CLIC5: variants seen among roughly 807,000 people sequenced by gnomAD.
CLIC5 encodes chloride intracellular channel protein 5.
A neutral mutation model predicts 24.7 loss-of-function variants in CLIC5; 20 were observed. The ratio of observed to expected loss-of-function variants is 0.81; its 90% CI spans 0.57 to 1.18. The LOEUF (loss-of-function observed/expected upper bound fraction) is 1.18, where lower values mean the gene tolerates loss of function less well. Ranked by LOEUF, CLIC5 falls within the 50% of genes most tolerant of loss-of-function variation. The pLI is 0.00. For missense variants in CLIC5, 341 were observed against 326.1 expected, an observed-to-expected ratio of 1.05 and a Z score of -0.35; for synonymous variants, 159 against 135.6, an observed-to-expected ratio of 1.17 and a Z score of -1.20.
chr6:45,980,303 G>A, intron 1 of CLIC5, among the ~76,000 whole-genome samples: 2 of 152,142 alleles, frequency 1.3e-5, no homozygotes, highest in Middle Eastern at 6.8e-3. Context: ...AGCAAATAAA[G>A]GCAGGAACAT....
At chr6:46,092,847 C>G in the CLIC5 span, among the ~76,000 whole-genome samples, 1 of 152,098 alleles carries the variant, frequency 6.6e-6, no homozygotes, top group Non-Finnish European at 1.5e-5. Context: ...CCTGAAGTCC[C>G]AACCAAATAC....
At chr6:45,951,633 C>G (rs933748829) in intron 2 of CLIC5, among the ~76,000 whole-genome samples, 2 of 152,206 alleles carry the variant, frequency 1.3e-5, no homozygotes, top group Admixed American at 6.5e-5. Flanking sequence ...GAGGGTTACA[C>G]TAAAAATGTT....
intron 1 of CLIC5, among the ~76,000 whole-genome samples, chr6:46,047,454 T>A (rs532511914): frequency 6.6e-6 from 1 of 152,046 alleles, no homozygotes; most frequent in Admixed American, 6.5e-5. Context: ...TTGAAAGATA[T>A]AGAGCTAGAA....
the CLIC5 span, among the ~76,000 whole-genome samples, chr6:46,122,677 C>T: frequency 3.3e-5 from 5 of 151,956 alleles, no homozygotes; most frequent in Non-Finnish European, 7.4e-5. Context: ...AATTGATAGA[C>T]CACTAGCAAG....
intron 1 of CLIC5, among the ~76,000 whole-genome samples, chr6:46,071,872 G>A (rs980325443): frequency 3.3e-5 from 5 of 152,144 alleles, no homozygotes; most frequent in African/African-American, 1.2e-4. Context: ...TAAAGAAAAT[G>A]TGGTACATAT....
intron 1 of CLIC5, among the ~76,000 whole-genome samples, chr6:46,015,185 G>C (rs1766953979): frequency 6.6e-6 from 1 of 152,206 alleles, no homozygotes; most frequent in Non-Finnish European, 1.5e-5. Context: ...AGCCTGAATC[G>C]CGTCCGGGCT....
chr6:45,966,970 G>T (rs1765035637), intron 1 of CLIC5, among the ~76,000 whole-genome samples: 1 of 152,208 alleles, frequency 6.6e-6, no homozygotes, highest in African/African-American at 2.4e-5. Flanking sequence ...AGTGTGCTGT[G>T]ACCGGGTACA....
chr6:45,932,977 G>T (rs1470563269), intron 4 of CLIC5, among the ~76,000 whole-genome samples: 1 of 152,196 alleles, frequency 6.6e-6, no homozygotes, highest in Admixed American at 6.5e-5. Flanking sequence ...TTCCCATTCA[G>T]TGGGAATGAT....
At chr6:46,016,421 C>G (rs1193421452), upstream of CLIC5, among the ~76,000 whole-genome samples, 3 of 152,086 alleles carry the variant, frequency 2.0e-5, no homozygotes, top group Non-Finnish European at 2.9e-5. Flanking sequence ...TGGGGACGGG[C>G]AGGGCAGGGC....
intron 1 of CLIC5, among the ~76,000 whole-genome samples, chr6:46,026,132 A>G (rs1441718388): frequency 2.0e-5 from 3 of 152,192 alleles, no homozygotes; most frequent in Non-Finnish European, 4.4e-5. Flanking sequence ...TTATTTCCTG[A>G]AAGACATAAA....
intron 1 of CLIC5, among the ~76,000 whole-genome samples, chr6:46,058,509 C>G (rs1768323098): frequency 6.6e-6 from 1 of 152,216 alleles, no homozygotes; most frequent in Non-Finnish European, 1.5e-5. Context: ...CTCCATGATT[C>G]ATTTTAACAA....
rs1374741368 is a variant in CLIC5 at position 45,902,856 on chromosome 6, G to A, written c.*232C>T. On this transcript the variant is annotated 3_prime_UTR_variant, in exon 6 of 6. Transcript: ENST00000339561. ...TGCTGAGCCCAGATCAGGCTGGCCG[G>A]CCGAAAGGTGGACTGTGTCTATCAT... The A allele has an allele frequency of 9.3e-6, 5 of 535,246 alleles. No homozygotes were observed. Among genetic ancestry groups the A allele is most frequent in the South Asian group, 9.0e-5 (4 of 44,216 alleles). The allele number at this position is 535,246 out of a possible 1,614,324, so 33.2% of individuals were successfully genotyped here.
At chr6:45,914,179 C>T in intron 5 of CLIC5, 49 bp downstream of exon 5, 1 of 1,439,900 alleles carries the variant, frequency 6.9e-7, no homozygotes, top group African/African-American at 1.4e-5. Flanking sequence ...TGACCTGGGC[C>T]TAAGATGGAG....
At chr6:46,067,419 G>T (rs2127473029) in intron 1 of CLIC5, among the ~76,000 whole-genome samples, 1 of 152,262 alleles carries the variant, frequency 6.6e-6, no homozygotes, top group South Asian at 2.1e-4. Context: ...CTCTCCCGCA[G>T]GGTTGACACT....
At chr6:46,125,866 G>A in the CLIC5 span, among the ~76,000 whole-genome samples, 4 of 152,210 alleles carry the variant, frequency 2.6e-5, 1 homozygote, top group East Asian at 3.9e-4. Flanking sequence ...TTTAGCAATT[G>A]TTGCTGAAAC....
chr6:45,881,763 C>G lies in CLIC5; in HGVS notation c.624-575G>C, dbSNP rs1025258672. Among the ~76,000 whole-genome samples, 8 of 152,200 alleles carry G rather than the reference C, an allele frequency of 5.3e-5. 1 individual carries two copies. The South Asian group carries it at 1.7e-3, about 32-fold the overall frequency. ...TTTTCTCTCCCAGAAGACTTTGGTG[C>G]CCTTTTAAATAAGCCCTGTAAGTGT... On this transcript the variant is annotated intron_variant, in intron 6 of 6. Coordinates refer to the CLIC5 transcript ENST00000644324.
At chr6:45,963,378 G>A (rs1764914925) in intron 1 of CLIC5, among the ~76,000 whole-genome samples, 2 of 152,146 alleles carry the variant, frequency 1.3e-5, no homozygotes, top group Admixed American at 1.3e-4. Context: ...ATGCTCTGCT[G>A]TTGCTATCCT....
intron 1 of CLIC5, among the ~76,000 whole-genome samples, chr6:45,970,907 G>A (rs1353952641): frequency 6.6e-6 from 1 of 152,134 alleles, no homozygotes; most frequent in Non-Finnish European, 1.5e-5. Context: ...CTTGTTCATT[G>A]GGCACAAAGG....
intron 1 of CLIC5, among the ~76,000 whole-genome samples, chr6:46,021,166 C>T (rs868868129): frequency 1.5e-4 from 22 of 149,820 alleles, no homozygotes; most frequent in African/African-American, 5.4e-4. Flanking sequence ...AGAAGACTTA[C>T]CAATGGCAAA....
Sources: allele counts gnomAD v4.1 joint callset (sites outside exome capture counted in the v4.1 genomes callset), GRCh38; gene constraint gnomAD v4.1.1; transcripts MANE v1.5; gene names NCBI Gene and HGNC (gene_info 2026-07-23, HGNC 2026-07-21).